TUBGCP4: variants seen among roughly 807,000 people sequenced by gnomAD.
TUBGCP4 encodes tubulin gamma complex component 4.
Under a neutral mutation model 91.6 loss-of-function variants are expected in TUBGCP4, and 54 were observed. The observed-to-expected ratio is 0.59, with a 90% confidence interval of 0.47 to 0.74. The LOEUF (loss-of-function observed/expected upper bound fraction) is 0.74, where lower values mean the gene tolerates loss of function less well. TUBGCP4 is among the 30% of genes least tolerant of loss of function. The pLI, the probability that TUBGCP4 is intolerant of heterozygous loss-of-function variation, is 0.00. For synonymous variants in TUBGCP4, 297 were observed against 302.8 expected, an observed-to-expected ratio of 0.98 and a Z score of 0.20; for missense variants, 593 against 800.9, an observed-to-expected ratio of 0.74 and a Z score of 3.13.
chr15:43,383,250 C>A, intron 6 of TUBGCP4, 53 bp from the exon 7 acceptor site: 1 of 1,491,938 alleles, frequency 6.7e-7, no homozygotes, highest in Non-Finnish European at 9.1e-7. Context: ...TCTGTTTATC[C>A]TGTAACAGTT....
At chr15:43,380,685 T>C (rs2044273147) in intron 6 of TUBGCP4, among the ~76,000 whole-genome samples, 1 of 152,106 alleles carries the variant, frequency 6.6e-6, no homozygotes, top group Non-Finnish European at 1.5e-5. Flanking sequence ...TAGAAAAAAA[T>C]TTAAATGATG....
chr15:43,388,058 C>G (rs970391310), intron 9 of TUBGCP4, among the ~76,000 whole-genome samples: 3 of 152,080 alleles, frequency 2.0e-5, no homozygotes, highest in Non-Finnish European at 2.9e-5. Flanking sequence ...ACCATGTTGG[C>G]CAGGCTGGTC....
intron 16 of TUBGCP4, 131 bp from the exon 17 acceptor site, chr15:43,404,282 G>A: frequency 9.5e-7 from 1 of 1,051,056 alleles, no homozygotes; most frequent in Non-Finnish European, 1.4e-6. Flanking sequence ...AAATAGGAAT[G>A]TGGGAAGGCC....
At chr15:43,373,993 G>A (rs2044165086) in intron 1 of TUBGCP4, among the ~76,000 whole-genome samples, 1 of 152,116 alleles carries the variant, frequency 6.6e-6, no homozygotes, top group Non-Finnish European at 1.5e-5. Context: ...AACCTCTTAA[G>A]TTACTAACTT....
At position 43,379,396 on chromosome 15, in the gene TUBGCP4, C is replaced by G. The variant is rs558107718; in HGVS notation, c.442-688C>G. ...GTGGCTCACGCCTGTAATCCCAGCA[C>G]TTCGGGAGGCCGAGGCGGGCGGACC... On this transcript the variant is annotated intron_variant, in intron 5 of 17. Transcript: ENST00000564079. Among the ~76,000 whole-genome samples, 4 of 152,342 alleles carry G rather than the reference C, an allele frequency of 2.6e-5. No homozygotes were observed. The South Asian group carries it at 6.2e-4, about 24-fold the overall frequency.
Position 43,409,167 on chromosome 15 carries a change from G to C in TUBGCP4, c.*3953G>C. 7.1e-7 allele frequency: 1 copy of C among 1,404,150 alleles called. No homozygotes were observed. Among genetic ancestry groups the C allele is most frequent in the Admixed American group, 1.8e-5 (1 of 55,352 alleles). 87.0% of individuals were successfully genotyped at this position (1,404,150 alleles called of 1,614,324 possible). ...AAAGCTCCTAAGCAGCAGCCATAAT[G>C]AGCCATGAAGAGCAGATCTGAAGAC... On this transcript the variant is annotated 3_prime_UTR_variant, in exon 18 of 18. Coordinates refer to ENST00000564079, the MANE Select transcript of TUBGCP4 (RefSeq NM_014444.5).
chr15:43,389,009 C>G (rs2044425776), intron 9 of TUBGCP4, among the ~76,000 whole-genome samples: 1 of 152,042 alleles, frequency 6.6e-6, no homozygotes. Flanking sequence ...CTATATTTGC[C>G]TTTGAGTCAA....
rs1158490355 is a variant in TUBGCP4 at position 43,409,609 on chromosome 15, A to T, written c.*4395A>T. 3 of 1,173,984 alleles carry T rather than the reference A, an allele frequency of 2.6e-6. No individual in the cohort carries two copies. The highest frequency in any genetic ancestry group is 3.6e-6 in the Non-Finnish European group (3 of 835,192). 72.7% of individuals were successfully genotyped at this position (1,173,984 alleles called of 1,614,324 possible). The stretch of plus-strand genomic sequence containing the variant: ...TCAACACAGCAAGTTGGCTCTTATC[A>T]TTGCCACTATATTAGGTTACACAAA... On this transcript the variant is annotated 3_prime_UTR_variant, in exon 18 of 18. Coordinates refer to ENST00000564079, the MANE Select transcript of TUBGCP4 (RefSeq NM_014444.5).
rs758720238 is a variant in TUBGCP4 at position 43,400,105 on chromosome 15, T to G, written c.1480T>G (p.Cys494Gly). Reference protein sequence around the residue: ...VRRVQAELQHCWALQMQRKHL... With the variant: ...VRRVQAELQHGWALQMQRKHL... ...CCGGGTGCAAGCTGAGCTGCAGCAC[T>G]GCTGGGCCCTACAAATGCAGCGCAA... is the stretch of plus-strand genomic sequence containing the variant. The change falls in exon 14 of 18, where the codon TGC (cysteine) becomes GGC (glycine). Residue 494 changes from cysteine (C) to glycine (G), a missense_variant. By Grantham distance (159) the Cys-to-Gly change is radical. Transcript: ENST00000564079. The G allele has an allele frequency of 6.2e-7, 1 of 1,614,216 alleles. No individual in the cohort carries two copies. Among genetic ancestry groups the G allele is most frequent in the South Asian group, 1.1e-5 (1 of 91,088 alleles).
At chr15:43,383,185 A>T in intron 6 of TUBGCP4, 118 bp from the exon 7 acceptor site, 2 of 777,460 alleles carry the variant, frequency 2.6e-6, no homozygotes, top group East Asian at 5.7e-5. Context: ...AAAATAGCAC[A>T]ATTATTTTTA....
At chr15:43,392,077 C>T (rs1595491343) in intron 9 of TUBGCP4, among the ~76,000 whole-genome samples, 1 of 50,892 alleles carries the variant, frequency 2.0e-5, no homozygotes, top group Non-Finnish European at 4.0e-5. Context: ...AATAGAGATA[C>T]ACACACACAC....
At chr15:43,395,246 A>G (rs1179486601) in intron 10 of TUBGCP4, 89 bp downstream of exon 10, 3 of 1,441,984 alleles carry the variant, frequency 2.1e-6, no homozygotes, top group Non-Finnish European at 2.9e-6. Flanking sequence ...CTGGTTGCCT[A>G]TACCCAGACT....
chr15:43,399,833 C>T (rs1045242988), intron 13 of TUBGCP4, among the ~76,000 whole-genome samples: 10 of 152,254 alleles, frequency 6.6e-5, no homozygotes, highest in Admixed American at 6.5e-4. Flanking sequence ...GATGGGGTCT[C>T]ATCTTGTTGT....
chr15:43,409,377 A>G lies in TUBGCP4; in HGVS notation c.*4163A>G. On this transcript the variant is annotated 3_prime_UTR_variant, in exon 18 of 18. Coordinates refer to ENST00000564079, the MANE Select transcript of TUBGCP4 (RefSeq NM_014444.5). ...TTTCAGGCTAAAAATCAGCAACCCTAATAGGGGTTTCTACTACTAAACATA... is the reference window on the plus strand; with the variant it reads ...TTTCAGGCTAAAAATCAGCAACCCTGATAGGGGTTTCTACTACTAAACATA... 1.8e-6 allele frequency: 1 copy of G among 566,044 alleles called. No individual in the cohort carries two copies. The highest frequency in any genetic ancestry group is 3.1e-6 in the Non-Finnish European group (1 of 318,660). 35.1% of individuals were successfully genotyped at this position (566,044 alleles called of 1,614,324 possible).
In TUBGCP4 at chr15:43,406,534, G is replaced by A. The variant is rs962085720; in HGVS notation, c.*1320G>A. On this transcript the variant is annotated 3_prime_UTR_variant, in exon 18 of 18. Transcript: ENST00000564079. ...GTTGCTTTCATGCCCTCACAGCAAA[G>A]GCGAGTAGTTGTGATGGATCAAATG... 1 of 454,306 alleles carries A rather than the reference G, an allele frequency of 2.2e-6. No individual in the cohort carries two copies. Among genetic ancestry groups the A allele is most frequent in the Non-Finnish European group, 4.4e-6 (1 of 226,188 alleles). 28.1% of individuals were successfully genotyped at this position (454,306 alleles called of 1,614,324 possible). A position where few individuals can be genotyped will look rare whatever the true frequency, so the allele number is the denominator to read the frequency against.
At position 43,376,534 on chromosome 15, in the gene TUBGCP4, G is replaced by C; in HGVS notation, c.239G>C (p.Gly80Ala). The C allele has an allele frequency of 6.2e-7, 1 of 1,614,168 alleles. No individual in the cohort carries two copies. The highest frequency in any genetic ancestry group is 8.5e-7 in the Non-Finnish European group (1 of 1,180,032). Residue 80 changes from glycine to alanine, a missense_variant, in exon 3 of 18, where the codon GGG becomes GCG. By Grantham distance (60) the Gly-to-Ala change is moderately conservative (BLOSUM62 0). Coordinates refer to ENST00000564079, the MANE Select transcript of TUBGCP4 (RefSeq NM_014444.5). ...DHHPSQQGQG[G>A]LHGIYLRAFC... Reference sequence around the variant, plus strand: ...CATCCATCTCAACAGGGCCAAGGTGGGTTACATGGAATCTACCTGCGGGCC... The same window carrying C: ...CATCCATCTCAACAGGGCCAAGGTGCGTTACATGGAATCTACCTGCGGGCC...
intron 9 of TUBGCP4, among the ~76,000 whole-genome samples, chr15:43,392,201 T>C (rs927594208): frequency 6.6e-6 from 1 of 151,622 alleles, no homozygotes; most frequent in South Asian, 2.1e-4. Context: ...TTTTTTTTTT[T>C]ACTCTTTCCC....
Position 43,406,374 on chromosome 15 carries a change from C to G in TUBGCP4, c.*1160C>G. 1 of 319,116 alleles carries G rather than the reference C, an allele frequency of 3.1e-6. No individual in the cohort carries two copies. Among genetic ancestry groups the G allele is most frequent in the Non-Finnish European group, 6.2e-6 (1 of 161,350 alleles). 19.8% of individuals were successfully genotyped at this position (319,116 alleles called of 1,614,324 possible). ...CTGGGAAGCTCTGACAACTTATTCCCTGCTATTATCAACTAAAGATCACCC... is the reference window on the plus strand; with the variant it reads ...CTGGGAAGCTCTGACAACTTATTCCGTGCTATTATCAACTAAAGATCACCC... On this transcript the variant is annotated 3_prime_UTR_variant, in exon 18 of 18. Transcript: ENST00000564079.
chr15:43,384,278 C>G (rs1012153905), intron 7 of TUBGCP4, among the ~76,000 whole-genome samples: 1 of 152,120 alleles, frequency 6.6e-6, no homozygotes, highest in African/African-American at 2.4e-5. Context: ...GTGTCTGTCC[C>G]TAAGGAGCTC....
Sources: gnomAD v4.1 joint callset for allele counts (sites outside exome capture counted in the v4.1 genomes callset) on GRCh38, gnomAD v4.1.1 for gene constraint, MANE v1.5 for transcripts, NCBI Gene and HGNC (gene_info 2026-07-23, HGNC 2026-07-21) for gene names.